Variants in SEC22A observed in about 807,000 individuals in gnomAD.
SEC22A encodes the protein vesicle-trafficking protein SEC22a.
A neutral mutation model predicts 35.3 loss-of-function variants in SEC22A; 22 were observed. The ratio of observed to expected loss-of-function variants is 0.62; its 90% CI spans 0.45 to 0.89. The LOEUF is 0.89. Ranked by LOEUF, SEC22A falls within the 40% of genes least tolerant of loss-of-function variation. The probability of loss-of-function intolerance (pLI) is 0.00; values close to 1 mark genes in which losing one functional copy is unlikely to be tolerated. For synonymous variants in SEC22A, 119 were observed against 129.5 expected (o/e 0.92, Z 0.55); for missense variants, 354 against 362.5 (o/e 0.98, Z 0.19).
At chr3:123,262,448 G>T (rs528297901) in intron 6 of SEC22A, among the ~76,000 whole-genome samples, 1 of 152,118 alleles carries the variant, frequency 6.6e-6, no homozygotes, top group South Asian at 2.1e-4. Flanking sequence ...TGCATATAGC[G>T]TGTATAAACA....
intron 4 of SEC22A, among the ~76,000 whole-genome samples, chr3:123,231,485 G>A (rs1440479728): frequency 6.6e-6 from 1 of 152,164 alleles, no homozygotes; most frequent in Non-Finnish European, 1.5e-5. Context: ...ATGTTCTCCA[G>A]CTACATTAGA....
In SEC22A at chr3:123,209,347, C is replaced by T; in HGVS notation, c.130C>T (p.Leu44Phe). 6.2e-7 allele frequency: 1 copy of T among 1,614,004 alleles called. No homozygotes were observed. The highest frequency in any genetic ancestry group is 8.5e-7 in the Non-Finnish European group (1 of 1,179,938). ...GTATTTTAAAATGCTTTCGAGGAAA[C>T]TTGCTCAACTTCCTGATAGATGTAC... ...RKYFKMLSRK[L>F]AQLPDRCTLK... Residue 44 changes from leucine (L) to phenylalanine (F), a missense_variant, in exon 2 of 7, where the codon CTT becomes TTT. Coordinates refer to ENST00000492595, the MANE Select transcript of SEC22A (RefSeq NM_012430.5).
chr3:123,229,602 G>A (rs1349817485), intron 4 of SEC22A, among the ~76,000 whole-genome samples: 2 of 152,302 alleles, frequency 1.3e-5, no homozygotes, highest in East Asian at 1.9e-4. Flanking sequence ...TGTGGCTTAC[G>A]CCTGTAATCC....
chr3:123,271,156 A>G (rs548635797), intron 6 of SEC22A, among the ~76,000 whole-genome samples: 17 of 152,036 alleles, frequency 1.1e-4, no homozygotes, highest in Non-Finnish European at 2.2e-4. Flanking sequence ...GCTTTTTTGT[A>G]TTTTCCTGGG....
intron 6 of SEC22A, among the ~76,000 whole-genome samples, chr3:123,265,621 C>T (rs994887375): frequency 6.6e-6 from 1 of 152,010 alleles, no homozygotes; most frequent in Non-Finnish European, 1.5e-5. Context: ...AGTCTAAGAG[C>T]TCTTTGCCTA....
At chr3:123,248,142 C>T (rs754016893) in intron 5 of SEC22A, among the ~76,000 whole-genome samples, 2 of 152,088 alleles carry the variant, frequency 1.3e-5, no homozygotes, top group African/African-American at 2.4e-5. Context: ...CCCCCTAAGA[C>T]CAGGAACAGG....
At position 123,222,514 on chromosome 3, in the gene SEC22A, T is replaced by C. The variant is rs116808093; in HGVS notation, c.183-1045T>C. Among the ~76,000 whole-genome samples, 1,174 of 152,144 alleles carry C rather than the reference T, an allele frequency of 7.7e-3. 6 individuals are homozygous for C. The highest frequency in any genetic ancestry group is 0.014 in the Non-Finnish European group (929 of 67,962). On this transcript the variant is annotated intron_variant, in intron 2 of 6. Transcript: ENST00000492595. ...CCCGGCCTCTTTAGCTTCTTTTGAT[T>C]GGCAACATTTCCACATCCTTTATTT...
At chr3:123,214,963 A>G (rs1473978152) in intron 2 of SEC22A, among the ~76,000 whole-genome samples, 1 of 152,170 alleles carries the variant, frequency 6.6e-6, no homozygotes, top group Admixed American at 6.5e-5. Context: ...AGCCAGGAAT[A>G]CTGTTTTAGG....
chr3:123,236,301 A>G (rs964999133), intron 4 of SEC22A, among the ~76,000 whole-genome samples: 1 of 152,214 alleles, frequency 6.6e-6, no homozygotes, highest in Non-Finnish European at 1.5e-5. Flanking sequence ...CACTAGTCCC[A>G]CTGAGTACAT....
chr3:123,204,100 G>A (rs1028368386), intron 1 of SEC22A, among the ~76,000 whole-genome samples: 2 of 152,050 alleles, frequency 1.3e-5, no homozygotes, highest in African/African-American at 4.8e-5. Flanking sequence ...CCAAACTTTG[G>A]TACTGTCACA....
chr3:123,224,269 A>G (rs1278563594), intron 3 of SEC22A, among the ~76,000 whole-genome samples: 4 of 151,640 alleles, frequency 2.6e-5, no homozygotes, highest in African/African-American at 9.8e-5. Context: ...TAGAAGAAAA[A>G]AAAAAAACAC....
chr3:123,253,293 G>A (rs961069130), intron 5 of SEC22A, among the ~76,000 whole-genome samples: 1 of 152,150 alleles, frequency 6.6e-6, no homozygotes, highest in Admixed American at 6.5e-5. Context: ...TAGGTCTTAG[G>A]ACAGACAATC....
chr3:123,214,591 C>G (rs956132336), intron 2 of SEC22A, among the ~76,000 whole-genome samples: 2 of 152,028 alleles, frequency 1.3e-5, no homozygotes, highest in Non-Finnish European at 2.9e-5. Flanking sequence ...TTTCCTTAGA[C>G]TGTAATGAAT....
At chr3:123,211,996 G>A (rs112246036) in intron 2 of SEC22A, among the ~76,000 whole-genome samples, 6,754 of 152,142 alleles carry the variant, frequency 0.044, 234 homozygotes, top group African/African-American at 0.096. Context: ...GGTTGAGGCT[G>A]CAGTGAGCCA....
intron 2 of SEC22A, among the ~76,000 whole-genome samples, chr3:123,211,280 C>A (rs1936936278): frequency 6.6e-6 from 1 of 152,036 alleles, no homozygotes; most frequent in Non-Finnish European, 1.5e-5. Flanking sequence ...GAAGTTGGAT[C>A]ACTTCAAAAG....
At chr3:123,249,960 C>A (rs1468534081) in intron 5 of SEC22A, among the ~76,000 whole-genome samples, 1 of 152,086 alleles carries the variant, frequency 6.6e-6, no homozygotes, top group Non-Finnish European at 1.5e-5. Flanking sequence ...TGTTTATTTA[C>A]AAGGGTTTTA....
Position 123,273,573 on chromosome 3 carries a change from G to C in SEC22A, c.*1851G>C, listed in dbSNP as rs1040296476. 6.6e-6 allele frequency: 1 copy of C among 152,076 alleles called. No individual in the cohort carries two copies. Among genetic ancestry groups the C allele is most frequent in the Non-Finnish European group, 1.5e-5 (1 of 68,032 alleles). 9.4% of individuals were successfully genotyped at this position (152,076 alleles called of 1,614,324 possible). A position where few individuals can be genotyped will look rare whatever the true frequency, so the allele number is the denominator to read the frequency against. On this transcript the variant is annotated 3_prime_UTR_variant, in exon 7 of 7. Transcript: ENST00000492595. Reference sequence around the variant, plus strand: ...TGTAATCCCAGCACTTTGGGAGGCCGAGACAGGCAGATCACTTGAGACCAG... The same window carrying C: ...TGTAATCCCAGCACTTTGGGAGGCCCAGACAGGCAGATCACTTGAGACCAG...
chr3:123,212,694 C>T (rs1309995129), intron 2 of SEC22A, among the ~76,000 whole-genome samples: 1 of 151,756 alleles, frequency 6.6e-6, no homozygotes, highest in Non-Finnish European at 1.5e-5. Flanking sequence ...CCAGCTTATT[C>T]CACACAAAGG....
At chr3:123,256,074 G>A (rs901255744) in intron 5 of SEC22A, among the ~76,000 whole-genome samples, 6 of 152,008 alleles carry the variant, frequency 3.9e-5, no homozygotes, top group African/African-American at 1.4e-4. Flanking sequence ...TTTAACATTA[G>A]TATAGTATTA....
Sources: gnomAD v4.1 joint callset for allele counts (sites outside exome capture counted in the v4.1 genomes callset) on GRCh38, gnomAD v4.1.1 for gene constraint, MANE v1.5 for transcripts, NCBI Gene and HGNC (gene_info 2026-07-23, HGNC 2026-07-21) for gene names.